The following ARMCX4 variants were observed in gnomAD, a reference collection of about 807,000 sequenced individuals.
ARMCX4 encodes armadillo repeat containing X-linked 4.
In ARMCX4, 3 loss-of-function variants were observed where a neutral mutation model predicts 34.7. The ratio of observed to expected loss-of-function variants is 0.09; its 90% confidence interval spans 0.04 to 0.22. The LOEUF (loss-of-function observed/expected upper bound fraction) is 0.22, where lower values mean the gene tolerates loss of function less well. Among genes scored for constraint, ARMCX4 ranks in the 10% least tolerant of loss-of-function variants. The pLI is 1.00. For missense variants in ARMCX4, 1,448 were observed against 1,720.8 expected (o/e 0.84, Z 2.81); for synonymous variants, 513 against 632.8 (o/e 0.81, Z 2.84).
At chrX:101,427,386 T>C (rs1018178375) in intron 2 of ARMCX4, among the ~76,000 whole-genome samples, 8 of 109,964 alleles carry the variant, frequency 7.3e-5, no homozygotes, top group African/African-American at 2.0e-4. Flanking sequence ...TCTCTCTCAT[T>C]TTTTTTTTCA....
Position 101,494,879 on chromosome X carries a change from C to G in ARMCX4, c.6290C>G (p.Pro2097Arg). 8.7e-7 allele frequency: 1 copy of G among 1,155,370 alleles called. No homozygotes were observed. The highest frequency in any genetic ancestry group is 1.1e-6 in the Non-Finnish European group (1 of 872,570). Residue 2097 changes from proline (P) to arginine (R), a missense_variant, in exon 6 of 6, where the codon CCC (proline) becomes CGC (arginine). Physicochemically the swap from Pro to Arg is moderately radical, Grantham distance 103. Coordinates refer to ENST00000423738, the MANE Select transcript of ARMCX4 (RefSeq NM_001256155.3). ...GAAAGCTTGCTCAATAATCCCTACC[C>G]CAGTGTTAGGCAGAAGGCTTTAAAT... ...VIESLLNNPY[P>R]SVRQKALNAL...
intron 11 of ARMCX4, chrX:101,511,201 G>C (rs1300842868): frequency 9.1e-6 from 1 of 110,194 alleles, no homozygotes; most frequent in African/African-American, 3.3e-5. Flanking sequence ...CTGTTCTTTC[G>C]TTATGGAACT....
downstream of ARMCX4, among the ~76,000 whole-genome samples, chrX:101,451,736 C>G (rs1931999860): frequency 1.8e-5 from 2 of 112,078 alleles, no homozygotes; most frequent in Admixed American, 1.9e-4. Flanking sequence ...AATACTTACT[C>G]TGGACACTGA....
intron 4 of ARMCX4, among the ~76,000 whole-genome samples, chrX:101,474,663 A>G (rs1278274566): frequency 4.8e-5 from 5 of 104,859 alleles, no homozygotes; most frequent in Admixed American, 2.1e-4. Context: ...ATATACGCAA[A>G]TCAATAAATG....
chrX:101,421,630 A>G (rs1398075514), intron 2 of ARMCX4, among the ~76,000 whole-genome samples: 1 of 111,114 alleles, frequency 9.0e-6, no homozygotes, highest in Non-Finnish European at 1.9e-5. Context: ...TCTTTTTCCA[A>G]GATGGTCCCT....
intron 4 of ARMCX4, among the ~76,000 whole-genome samples, chrX:101,462,355 T>A (rs782700667): frequency 1.8e-5 from 2 of 111,012 alleles, no homozygotes; most frequent in South Asian, 3.8e-4. Context: ...AAGATAAAAA[T>A]TTGTAGGCCG....
intron 2 of ARMCX4, among the ~76,000 whole-genome samples, chrX:101,432,828 G>C (rs1369420383): frequency 1.0e-5 from 1 of 99,358 alleles, no homozygotes; most frequent in African/African-American, 3.7e-5. Flanking sequence ...ATGTATATAC[G>C]TGTATATATG....
At chrX:101,421,060 G>C (rs375309083) in intron 2 of ARMCX4, among the ~76,000 whole-genome samples, 2 of 109,541 alleles carry the variant, frequency 1.8e-5, no homozygotes, top group African/African-American at 6.7e-5. Context: ...AAAGTTAGCC[G>C]GGCATGGTGG....
At chrX:101,499,392 A>T (rs1934247963), downstream of ARMCX4, 1 of 111,685 alleles carries the variant, frequency 9.0e-6, no homozygotes, top group Non-Finnish European at 1.9e-5. Flanking sequence ...TAAACCTATT[A>T]TGTAAGGCCA....
intron 11 of ARMCX4, among the ~76,000 whole-genome samples, chrX:101,525,603 A>C (rs1186470923): frequency 9.0e-6 from 1 of 111,563 alleles, no homozygotes; most frequent in Non-Finnish European, 1.9e-5. Flanking sequence ...TAACTAGAAT[A>C]AACTGTGTAG....
chrX:101,488,140 T>A, intron 5 of ARMCX4, 41 bp downstream of exon 5: 1 of 539,624 alleles, frequency 1.9e-6, no homozygotes, highest in Non-Finnish European at 2.7e-6. Flanking sequence ...GTGACCAGAG[T>A]AGGTCCAGTA....
chrX:101,481,334 G>T (rs1275652102), upstream of ARMCX4, among the ~76,000 whole-genome samples: 1 of 112,025 alleles, frequency 8.9e-6, no homozygotes, highest in African/African-American at 3.2e-5. Flanking sequence ...AATAAATTAT[G>T]TGAGATATTC....
intron 2 of ARMCX4, among the ~76,000 whole-genome samples, chrX:101,442,371 T>C (rs1257158875): frequency 9.0e-6 from 1 of 111,355 alleles, no homozygotes; most frequent in Non-Finnish European, 1.9e-5. Context: ...AAAACAGGCA[T>C]GTCCAAGGGG....
At chrX:101,471,123 T>A (rs149250891) in intron 4 of ARMCX4, among the ~76,000 whole-genome samples, 2,018 of 112,277 alleles carry the variant, frequency 0.018, 47 homozygotes, top group African/African-American at 0.062. Flanking sequence ...TTCAAGTTTG[T>A]GCCCCCTTTT....
At chrX:101,528,156 C>G (rs1318383842) in intron 11 of ARMCX4, among the ~76,000 whole-genome samples, 3 of 111,829 alleles carry the variant, frequency 2.7e-5, no homozygotes, top group Non-Finnish European at 5.6e-5. Context: ...GGCTTCATCC[C>G]TGGGATGCAA....
chrX:101,528,717 T>G (rs1935043317), intron 11 of ARMCX4, among the ~76,000 whole-genome samples: 1 of 110,953 alleles, frequency 9.0e-6, no homozygotes, highest in Non-Finnish European at 1.9e-5. Context: ...AAATCATGAG[T>G]GAACTCCCAT....
chrX:101,532,857 G>T (rs782247383), intron 12 of ARMCX4: 1 of 111,478 alleles, frequency 9.0e-6, no homozygotes, highest in South Asian at 3.8e-4. Flanking sequence ...TTATAAATCA[G>T]GTTTCAGGTG....
At chrX:101,529,718 C>A (rs989780817) in intron 11 of ARMCX4, among the ~76,000 whole-genome samples, 3 of 112,299 alleles carry the variant, frequency 2.7e-5, no homozygotes, top group South Asian at 3.6e-4. Flanking sequence ...ATGCAGCCAA[C>A]AGACACATGA....
intron 2 of ARMCX4, among the ~76,000 whole-genome samples, chrX:101,430,470 C>T (rs973818741): frequency 4.4e-5 from 5 of 112,537 alleles, no homozygotes; most frequent in Non-Finnish European, 7.5e-5. Flanking sequence ...AGTTTCTAGA[C>T]CGCCACTCAG....
Sources: gnomAD v4.1 joint callset for allele counts (sites outside exome capture counted in the v4.1 genomes callset) on GRCh38, gnomAD v4.1.1 for gene constraint, MANE v1.5 for transcripts, NCBI Gene and HGNC (gene_info 2026-07-23, HGNC 2026-07-21) for gene names.